The following DIP2C variants were observed in gnomAD, a reference collection of about 807,000 sequenced individuals.
DIP2C encodes the protein DIP2 acetate--CoA ligase C (putative).
Under a neutral mutation model 192.4 loss-of-function variants are expected in DIP2C, and 33 were observed. The observed-to-expected ratio is 0.17, with a 90% confidence interval of 0.13 to 0.23. The LOEUF (loss-of-function observed/expected upper bound fraction) is 0.23, where lower values mean the gene tolerates loss of function less well. DIP2C is among the 10% of genes least tolerant of loss of function. The pLI is 1.00. For synonymous variants in DIP2C, 979 were observed against 864.1 expected (o/e 1.13, Z -2.33); for missense variants, 1,537 against 2,110.1 (o/e 0.73, Z 5.32).
chr10:395,778 G>A (rs534125086), intron 10 of DIP2C, among the ~76,000 whole-genome samples: 1 of 152,204 alleles, frequency 6.6e-6, no homozygotes, highest in Admixed American at 6.5e-5. Flanking sequence ...ATGTCCTGGA[G>A]GTGAGGGACA....
intron 1 of DIP2C, among the ~76,000 whole-genome samples, chr10:529,308 C>T (rs186890156): frequency 1.6e-3 from 243 of 151,842 alleles, no homozygotes; most frequent in African/African-American, 5.7e-3. Context: ...TTAATTCCTA[C>T]TCACAGAGCT....
intron 1 of DIP2C, among the ~76,000 whole-genome samples, chr10:559,932 C>A (rs1849111236): frequency 6.6e-6 from 1 of 152,082 alleles, no homozygotes; most frequent in African/African-American, 2.4e-5. Flanking sequence ...GGTGTTCCTT[C>A]CCCTTGATGA....
chr10:507,322 A>C (rs1045462443), intron 1 of DIP2C, among the ~76,000 whole-genome samples: 12 of 151,468 alleles, frequency 7.9e-5, no homozygotes, highest in African/African-American at 2.9e-4. Context: ...ACACAATCAG[A>C]AGCTTTCAAG....
intron 1 of DIP2C, among the ~76,000 whole-genome samples, chr10:532,576 T>TGAGAGAGAGA (rs1847442479): frequency 1.5e-5 from 2 of 131,258 alleles, no homozygotes; most frequent in African/African-American, 6.5e-5. Flanking sequence ...AGAGTATGGG[T>TGAGAGAGAGA]GTGAGAGAGA....
chr10:580,107 A>C (rs1298807992), intron 1 of DIP2C, among the ~76,000 whole-genome samples: 1 of 152,186 alleles, frequency 6.6e-6, no homozygotes, highest in Non-Finnish European at 1.5e-5. Context: ...TTGTATGTAC[A>C]TAGGTATAAC....
intron 32 of DIP2C, among the ~76,000 whole-genome samples, chr10:306,512 C>A (rs1053534137): frequency 6.6e-6 from 1 of 152,134 alleles, no homozygotes; most frequent in Non-Finnish European, 1.5e-5. Flanking sequence ...CCTTGGAGCT[C>A]GCAAGTGAGT....
chr10:283,613 CACAGAGGAT>C (rs1266358372), intron 34 of DIP2C, among the ~76,000 whole-genome samples, 167 bp from the exon 35 acceptor site: 1 of 152,194 alleles, frequency 6.6e-6, no homozygotes, highest in Non-Finnish European at 1.5e-5. Context: ...TCGAGAGACA[CACAGAGGAT>C]ACTGAAATAA....
At chr10:483,265 AG>A (rs1416519162) in intron 2 of DIP2C, among the ~76,000 whole-genome samples, 6 of 152,244 alleles carry the variant, frequency 3.9e-5, no homozygotes, top group Non-Finnish European at 2.9e-5. Context: ...AACCCCTTAC[AG>A]GCAAGTGCGC....
At chr10:608,002 C>T (rs1001788475) in intron 1 of DIP2C, among the ~76,000 whole-genome samples, 3 of 151,572 alleles carry the variant, frequency 2.0e-5, no homozygotes, top group Non-Finnish European at 4.4e-5. Flanking sequence ...AATCGGAGTC[C>T]GCAGGTGCGG....
At chr10:647,548 CAG>C (rs1468148654) in intron 1 of DIP2C, among the ~76,000 whole-genome samples, 2 of 146,852 alleles carry the variant, frequency 1.4e-5, no homozygotes, top group African/African-American at 5.1e-5. Context: ...TGGGAGAGAA[CAG>C]AGGGAAACTG....
chr10:277,333 T>C lies in DIP2C; in HGVS notation c.4663A>G (p.Asn1555Asp). Residue 1555 changes from asparagine (N) to aspartate (D), a missense_variant, in exon 37 of 37, where the codon AAC (asparagine) becomes GAC (aspartate). Around this residue, in one of 4 missense-constraint regions of DIP2C, gnomAD observed 341 missense variants for 551.7 expected, o/e 0.62. Transcript: ENST00000280886. ...DQLDPIYVAY[N>D]M ...GAAGCCAAGAGACGAGACTACATGTTGTAGGCCACATAGATGGGGTCTAGC... is the reference window on the plus strand; with the variant it reads ...GAAGCCAAGAGACGAGACTACATGTCGTAGGCCACATAGATGGGGTCTAGC... 6.2e-7 allele frequency: 1 copy of C among 1,614,064 alleles called. No homozygotes were observed. Among genetic ancestry groups the C allele is most frequent in the Non-Finnish European group, 8.5e-7 (1 of 1,180,030 alleles).
At chr10:372,024 A>G (rs1418607106) in intron 17 of DIP2C, among the ~76,000 whole-genome samples, 1 of 151,932 alleles carries the variant, frequency 6.6e-6, no homozygotes, top group East Asian at 1.9e-4. Context: ...AAGTTATCTC[A>G]GGGCCCAAAA....
intron 4 of DIP2C, among the ~76,000 whole-genome samples, chr10:423,933 AT>A (rs1966391541): frequency 1.3e-5 from 2 of 152,106 alleles, no homozygotes. Context: ...CTCATTATTG[AT>A]TTTTCTATCT....
At chr10:290,499 T>C (rs1416640639) in intron 32 of DIP2C, among the ~76,000 whole-genome samples, 1 of 152,228 alleles carries the variant, frequency 6.6e-6, no homozygotes, top group Non-Finnish European at 1.5e-5. Context: ...ATACTTGGGA[T>C]GTCGGCAGGA....
At chr10:480,252 C>G (rs1261937168) in intron 2 of DIP2C, among the ~76,000 whole-genome samples, 2 of 149,766 alleles carry the variant, frequency 1.3e-5, no homozygotes, top group Non-Finnish European at 3.0e-5. Flanking sequence ...GGATGAGGGT[C>G]TCATCCACCA....
At chr10:298,530 C>T (rs1394106539) in intron 32 of DIP2C, among the ~76,000 whole-genome samples, 1 of 152,212 alleles carries the variant, frequency 6.6e-6, no homozygotes, top group Non-Finnish European at 1.5e-5. Context: ...CTCTTCTTGG[C>T]TTTTGAGATG....
At chr10:600,068 C>A (rs1332638764) in intron 1 of DIP2C, among the ~76,000 whole-genome samples, 1 of 152,156 alleles carries the variant, frequency 6.6e-6, no homozygotes, top group African/African-American at 2.4e-5. Flanking sequence ...CAGCTCCAGG[C>A]AGAGGGGAAA....
intron 1 of DIP2C, among the ~76,000 whole-genome samples, chr10:554,072 C>T (rs934917147): frequency 6.6e-6 from 1 of 151,802 alleles, no homozygotes; most frequent in Non-Finnish European, 1.5e-5. Context: ...AAATATACAT[C>T]ATAGGAGAAA....
At chr10:584,440 C>T (rs1487223220) in intron 1 of DIP2C, among the ~76,000 whole-genome samples, 26 of 150,874 alleles carry the variant, frequency 1.7e-4, no homozygotes, top group Non-Finnish European at 1.5e-5. Context: ...CTGACCCCCA[C>T]TCACGCGCAT....
Sources: gnomAD v4.1 joint callset for allele counts (sites outside exome capture counted in the v4.1 genomes callset) on GRCh38, gnomAD v4.1.1 for gene constraint, gnomAD v4.1.1 regional missense constraint, MANE v1.5 for transcripts, NCBI Gene and HGNC (gene_info 2026-07-23, HGNC 2026-07-21) for gene names.